Variants in PCDHGA8 observed in about 807,000 individuals in gnomAD.
The protein encoded by PCDHGA8 is protocadherin gamma subfamily A, 8, also known as protocadherin gamma-A8.
In PCDHGA8, 45 loss-of-function variants were observed where a neutral mutation model predicts 59.2. The observed-to-expected ratio is 0.76, with a 90% CI of 0.60 to 0.98. The LOEUF is 0.98. Ranked by LOEUF, PCDHGA8 falls within the 50% of genes least tolerant of loss-of-function variation. The pLI, the probability that PCDHGA8 is intolerant of heterozygous loss-of-function variation, is 0.00. For missense variants in PCDHGA8, 1,257 were observed against 1,196.2 expected (o/e 1.05, Z -0.75); for synonymous variants, 531 against 519.0 (o/e 1.02, Z -0.32).
intron 1 of PCDHGA8, chr5:141,426,420 C>T (rs2096934904): frequency 3.5e-6 from 1 of 287,972 alleles, no homozygotes; most frequent in Non-Finnish European, 6.9e-6. Flanking sequence ...TCCAGGGCTC[C>T]GTGGTGGGGA....
At chr5:141,466,574 T>C (rs978880367) in intron 1 of PCDHGA8, among the ~76,000 whole-genome samples, 5 of 152,218 alleles carry the variant, frequency 3.3e-5, no homozygotes, top group Non-Finnish European at 5.9e-5. Flanking sequence ...CAACATTGTC[T>C]CATCCCTTCT....
intron 1 of PCDHGA8, among the ~76,000 whole-genome samples, chr5:141,438,587 C>CATAT (rs1372372472): frequency 2.7e-5 from 2 of 73,430 alleles, no homozygotes; most frequent in Non-Finnish European, 5.2e-5. Context: ...TACATACATA[C>CATAT]ATACATATAT....
rs766431596 is a variant in PCDHGA8 at position 141,422,883 on chromosome 5, C to T, written c.2424+27646C>T. The T allele has an allele frequency of 3.7e-6, 6 of 1,614,124 alleles. No homozygotes were observed. The African/African-American group carries it at 4.0e-5, about 11-fold the overall frequency. Reference sequence around the variant, plus strand: ...GCAGCAACGTGTCGCTGAGCCTGTTCGTGCTGGACCAGAACGACAATGCGC... The same window carrying T: ...GCAGCAACGTGTCGCTGAGCCTGTTTGTGCTGGACCAGAACGACAATGCGC... On this transcript the variant is annotated intron_variant, in intron 1 of 3. Transcript: ENST00000398604.
In PCDHGA8 at chr5:141,394,048, G is replaced by A. The variant is rs1285768639; in HGVS notation, c.1235G>A (p.Arg412Gln). The change falls in exon 1 of 4, where the codon CGA (arginine) becomes CAA (glutamine). Residue 412 changes from arginine to glutamine, a missense_variant. Transcript: ENST00000398604. ...YRLVTRKYLD[R>Q]ENVSIYNITV... is the part of the protein sequence containing the mutation. ...TTAGTGACAAGGAAATATTTGGACC[G>A]AGAAAATGTCTCTATCTACAATATC... 5 of 1,613,504 alleles carry A rather than the reference G, an allele frequency of 3.1e-6. No individual in the cohort carries two copies. The highest frequency in any genetic ancestry group is 1.1e-5 in the South Asian group (1 of 91,028).
chr5:141,434,073 A>G (rs1372471160), intron 1 of PCDHGA8, among the ~76,000 whole-genome samples: 2 of 152,058 alleles, frequency 1.3e-5, no homozygotes, highest in African/African-American at 4.8e-5. Flanking sequence ...GTTAATATCA[A>G]TTATTTATTT....
Position 141,476,214 on chromosome 5 carries a change from T to C in PCDHGA8, c.2425-18593T>C, listed in dbSNP as rs768153063. 1 of 1,613,974 alleles carries C rather than the reference T, an allele frequency of 6.2e-7. No homozygotes were observed. Among genetic ancestry groups the C allele is most frequent in the African/African-American group, 1.3e-5 (1 of 74,990 alleles). ...GCCTTGAACAAGGCTTCCACGGTCA[T>C]TCACTATGAGATCCCGGAGGAAAGA... On this transcript the variant is annotated intron_variant, in intron 1 of 3. Coordinates refer to ENST00000398604, the MANE Select transcript of PCDHGA8 (RefSeq NM_032088.2). The surrounding 1 kb of genome is among the most constrained non-coding windows in gnomAD (Gnocchi z 7.6).
At chr5:141,478,269 A>G in intron 1 of PCDHGA8, 1 of 1,614,146 alleles carries the variant, frequency 6.2e-7, no homozygotes, top group Non-Finnish European at 8.5e-7. Flanking sequence ...TTCAAAGTTT[A>G]CAAGTGGAAG....
chr5:141,510,959 G>A lies in PCDHGA8; in HGVS notation c.2585G>A (p.Gly862Glu). 6.2e-7 allele frequency: 1 copy of A among 1,614,110 alleles called. No individual in the cohort carries two copies. Among genetic ancestry groups the A allele is most frequent in the Non-Finnish European group, 8.5e-7 (1 of 1,180,012 alleles). Residue 862 changes from glycine to glutamate, a missense_variant, in exon 4 of 4, where the codon GGG becomes GAG. Coordinates refer to ENST00000398604, the MANE Select transcript of PCDHGA8 (RefSeq NM_032088.2). ...TCTGTCTCTGCAGAAGCTGCTGATG[G>A]GAGCTCCACCCTGGGAGGGGGTGCC... ...ILASASEAADGSSTLGGGAGT... is the reference protein window; with the variant it reads ...ILASASEAADESSTLGGGAGT...
At chr5:141,413,128 CA>C in intron 1 of PCDHGA8, 1 of 1,534,686 alleles carries the variant, frequency 6.5e-7, no homozygotes, top group Non-Finnish European at 8.8e-7. Flanking sequence ...GGTTGAAACA[CA>C]CAACGTGTCC....
At chr5:141,458,891 G>A (rs775720263) in intron 1 of PCDHGA8, among the ~76,000 whole-genome samples, 10 of 151,976 alleles carry the variant, frequency 6.6e-5, no homozygotes, top group South Asian at 2.1e-4. Context: ...CACACCATGC[G>A]CAGCTAATTT....
rs918375556 is a variant in PCDHGA8, at chr5:141,489,318, G to C, written c.2425-5489G>C. 6.3e-7 allele frequency: 1 copy of C among 1,598,974 alleles called. No individual in the cohort carries two copies. Among genetic ancestry groups the C allele is most frequent in the African/African-American group, 1.3e-5 (1 of 74,510 alleles). On this transcript the variant is annotated intron_variant, in intron 1 of 3. Coordinates refer to ENST00000398604, the MANE Select transcript of PCDHGA8 (RefSeq NM_032088.2). The surrounding 1 kb of genome is among the most constrained non-coding windows in gnomAD (Gnocchi z 4.5). ...TGTTGTCCTTGTGCTGCTGGGGCTG[G>C]GTGTCTGGGCAGCTTCGTTACTCAG...
chr5:141,456,800 TA>T (rs1038857337), intron 1 of PCDHGA8, among the ~76,000 whole-genome samples: 2 of 151,846 alleles, frequency 1.3e-5, no homozygotes, highest in African/African-American at 4.8e-5. Flanking sequence ...CCATCTCTAC[TA>T]AAAATACAAA....
rs755293492 is a variant in PCDHGA8 at position 141,394,003 on chromosome 5, C to A, written c.1190C>A (p.Ser397Ter). Residue 397 changes from serine to a stop codon, truncating the protein, a stop_gained, in exon 1 of 4, where the codon TCA (serine) becomes TAA (stop). Transcript: ENST00000398604. LOFTEE classifies it high-confidence loss of function. ...AATTTACCTTTTAAATTAGAAAAGT[C>A]AATAGGTAATTATTATAGATTAGTG... The part of the protein sequence containing the change: ...RDNLPFKLEK[S>*]IGNYYRLVTR... The A allele has an allele frequency of 1.9e-6, 3 of 1,613,310 alleles. No homozygotes were observed. The South Asian group carries it at 3.3e-5, about 18-fold the overall frequency.
At chr5:141,465,152 G>C (rs1028596804) in intron 1 of PCDHGA8, among the ~76,000 whole-genome samples, 1 of 151,422 alleles carries the variant, frequency 6.6e-6, no homozygotes, top group African/African-American at 2.4e-5. Flanking sequence ...TATATGAAGG[G>C]ACTCTAAATG....
chr5:141,506,253 G>A (rs1332023284), intron 3 of PCDHGA8, among the ~76,000 whole-genome samples: 2 of 151,862 alleles, frequency 1.3e-5, no homozygotes, highest in Non-Finnish European at 2.9e-5. Flanking sequence ...GTTCGAAACC[G>A]GCCTGGCCAA....
In PCDHGA8 at chr5:141,431,183, A is replaced by G. The variant is rs1467232519; in HGVS notation, c.2424+35946A>G. Reference sequence around the variant, plus strand: ...TCGTGAAAGTGAATTAGAAATAAAAATTAGTGAAAATGCAGCCACTGAGAT... The same window carrying G: ...TCGTGAAAGTGAATTAGAAATAAAAGTTAGTGAAAATGCAGCCACTGAGAT... On this transcript the variant is annotated intron_variant, in intron 1 of 3. Transcript: ENST00000398604. The surrounding 1 kb of genome is among the most constrained non-coding windows in gnomAD (Gnocchi z 4.8). 1 of 1,614,218 alleles carries G rather than the reference A, an allele frequency of 6.2e-7. No individual in the cohort carries two copies. The highest frequency in any genetic ancestry group is 2.2e-5 in the East Asian group (1 of 44,880).
At chr5:141,422,769 T>C (rs1274700138) in intron 1 of PCDHGA8, 1 of 1,613,852 alleles carries the variant, frequency 6.2e-7, no homozygotes, top group Admixed American at 1.7e-5. Context: ...ACACTGGTGT[T>C]CTCTATGCCC....
At position 141,392,946 on chromosome 5, in the gene PCDHGA8, G is replaced by A; in HGVS notation, c.133G>A (p.Val45Met). The A allele has an allele frequency of 1.2e-6, 2 of 1,613,940 alleles. No individual in the cohort carries two copies. Among genetic ancestry groups the A allele is most frequent in the Non-Finnish European group, 1.7e-6 (2 of 1,179,898 alleles). Residue 45 changes from valine (V) to methionine (M), a missense_variant, in exon 1 of 4, where the codon GTG becomes ATG. Coordinates refer to ENST00000398604, the MANE Select transcript of PCDHGA8 (RefSeq NM_032088.2). Reference sequence around the variant, plus strand: ...AGAAGAGACGGACAAAGGCTCCTTCGTGGGTAATATCTCCAAGGACCTGGG... The same window carrying A: ...AGAAGAGACGGACAAAGGCTCCTTCATGGGTAATATCTCCAAGGACCTGGG... ...VPEETDKGSF[V>M]GNISKDLGLD...
chr5:141,462,646 A>G (rs1371582710), intron 1 of PCDHGA8, among the ~76,000 whole-genome samples: 1 of 137,316 alleles, frequency 7.3e-6, no homozygotes, highest in Non-Finnish European at 1.5e-5. Flanking sequence ...TTTCATTTCC[A>G]TCCTCAATTA....
Sources: allele counts gnomAD v4.1 joint callset (sites outside exome capture counted in the v4.1 genomes callset), GRCh38; gene constraint gnomAD v4.1.1; non-coding constraint Gnocchi (gnomAD v3.1); transcripts MANE v1.5; gene names NCBI Gene and HGNC (gene_info 2026-07-23, HGNC 2026-07-21).